Variants in CNTNAP5 observed in about 807,000 individuals in gnomAD.
CNTNAP5 encodes the protein contactin associated protein family member 5.
CNTNAP5 carries 72 observed loss-of-function variants against 150.2 expected under a neutral mutation model. That is an observed-to-expected ratio of 0.48 (90% CI 0.40 to 0.58). The LOEUF (loss-of-function observed/expected upper bound fraction) is 0.58, where lower values mean the gene tolerates loss of function less well. Among genes scored for constraint, CNTNAP5 ranks in the 20% least tolerant of loss-of-function variants. The pLI is 0.00. For synonymous variants in CNTNAP5, 672 were observed against 619.8 expected, an observed-to-expected ratio of 1.08 and a Z score of -1.25; for missense variants, 1,636 against 1,626.2, an observed-to-expected ratio of 1.01 and a Z score of -0.10.
chr2:124,773,752 T>TTATAATCC (rs1681256322), intron 17 of CNTNAP5, among the ~76,000 whole-genome samples: 1 of 152,044 alleles, frequency 6.6e-6, no homozygotes, highest in Admixed American at 6.6e-5. Flanking sequence ...TTCAAGGAGT[T>TTATAATCC]TATAATCCTC....
intron 1 of CNTNAP5, among the ~76,000 whole-genome samples, chr2:124,069,033 ATCTTGGGGTACCCAAG>A (rs1359402422): frequency 6.6e-6 from 1 of 152,110 alleles, no homozygotes; most frequent in Non-Finnish European, 1.5e-5. Context: ...ACCAAGTGGG[ATCTTGGGGTACCCAAG>A]TCCAGGCCTA....
Position 124,640,768 on chromosome 2 carries a change from C to T in CNTNAP5, c.1877-6990C>T, listed in dbSNP as rs566055889. On this transcript the variant is annotated intron_variant, in intron 12 of 23. Transcript: ENST00000682447. ...ATCTCTTCACATCCTCCCGGCTTCG[C>T]TTCAACAGAACGGTTCATAGCAGAT... Among the ~76,000 whole-genome samples, 10 of 152,218 alleles carry T rather than the reference C, an allele frequency of 6.6e-5. No homozygotes were observed. The East Asian group carries it at 1.2e-3, about 18-fold the overall frequency.
intron 13 of CNTNAP5, among the ~76,000 whole-genome samples, chr2:124,728,866 C>G (rs1475067174): frequency 6.6e-6 from 1 of 151,980 alleles, no homozygotes; most frequent in Non-Finnish European, 1.5e-5. Flanking sequence ...AAACTCAATT[C>G]TAATTTATAA....
intron 4 of CNTNAP5, among the ~76,000 whole-genome samples, chr2:124,424,410 A>G (rs923481634): frequency 6.6e-6 from 1 of 152,188 alleles, no homozygotes; most frequent in Non-Finnish European, 1.5e-5. Context: ...TGGCAGTCCA[A>G]TGTGAACTTT....
At chr2:124,410,828 G>A (rs1398385372) in intron 3 of CNTNAP5, among the ~76,000 whole-genome samples, 2 of 149,690 alleles carry the variant, frequency 1.3e-5, no homozygotes, top group East Asian at 3.9e-4. Context: ...AACTAGAAAA[G>A]CAAGAGCAAA....
chr2:124,820,474 A>T (rs1368048749), intron 19 of CNTNAP5, among the ~76,000 whole-genome samples: 2 of 152,050 alleles, frequency 1.3e-5, no homozygotes, highest in Non-Finnish European at 2.9e-5. Context: ...GAAGGGGAAA[A>T]AAAAAACAAT....
chr2:124,698,826 A>G (rs1359352908), intron 13 of CNTNAP5, among the ~76,000 whole-genome samples: 2 of 152,124 alleles, frequency 1.3e-5, no homozygotes, highest in Admixed American at 1.3e-4. Context: ...CCCCTAGGCC[A>G]TTAGAAAACC....
intron 21 of CNTNAP5, among the ~76,000 whole-genome samples, chr2:124,874,167 C>T (rs1226126683): frequency 1.1e-4 from 16 of 152,008 alleles, no homozygotes; most frequent in Admixed American, 7.2e-4. Flanking sequence ...CATCAAGTTA[C>T]GGGATATTGC....
chr2:124,676,879 G>T (rs1289866655), intron 13 of CNTNAP5, among the ~76,000 whole-genome samples: 4 of 152,188 alleles, frequency 2.6e-5, no homozygotes, highest in African/African-American at 7.2e-5. Flanking sequence ...TGACAATTTT[G>T]AATAGTGCTC....
At chr2:124,465,729 T>C (rs536244299) in intron 6 of CNTNAP5, among the ~76,000 whole-genome samples, 1 of 152,288 alleles carries the variant, frequency 6.6e-6, no homozygotes, top group East Asian at 1.9e-4. Flanking sequence ...AGGTGAAATA[T>C]CTCAATGCAA....
At chr2:124,702,175 A>C (rs528847391) in intron 13 of CNTNAP5, among the ~76,000 whole-genome samples, 3 of 151,936 alleles carry the variant, frequency 2.0e-5, no homozygotes, top group Admixed American at 2.0e-4. Context: ...CGGAAAAAGA[A>C]TAACACAACA....
At chr2:124,383,276 C>T (rs946792562) in intron 3 of CNTNAP5, among the ~76,000 whole-genome samples, 15 of 152,164 alleles carry the variant, frequency 9.9e-5, no homozygotes, top group Admixed American at 6.5e-4. Flanking sequence ...CTCCCATCAC[C>T]GTCTTGGAGC....
intron 19 of CNTNAP5, among the ~76,000 whole-genome samples, chr2:124,839,056 C>A (rs559026106): frequency 6.6e-6 from 1 of 152,088 alleles, no homozygotes; most frequent in South Asian, 2.1e-4. Context: ...ACTACGGAAG[C>A]TCATATCAAA....
intron 19 of CNTNAP5, among the ~76,000 whole-genome samples, chr2:124,839,696 C>G (rs531225792): frequency 6.6e-6 from 1 of 152,176 alleles, no homozygotes; most frequent in Admixed American, 6.6e-5. Context: ...GCCTTATAAA[C>G]CAAAACACAG....
chr2:124,107,275 C>T (rs1334332174), intron 1 of CNTNAP5, among the ~76,000 whole-genome samples: 2 of 152,192 alleles, frequency 1.3e-5, no homozygotes, highest in African/African-American at 4.8e-5. Context: ...ACCACTGCGT[C>T]TATCTTTGTC....
At chr2:124,143,820 G>A (rs1172982498) in intron 1 of CNTNAP5, among the ~76,000 whole-genome samples, 2 of 94,742 alleles carry the variant, frequency 2.1e-5, no homozygotes, top group African/African-American at 8.2e-5. Context: ...GGAAATAAAG[G>A]GTATTCAATT....
intron 21 of CNTNAP5, among the ~76,000 whole-genome samples, chr2:124,874,737 A>C (rs1472314052): frequency 1.3e-5 from 2 of 152,060 alleles, no homozygotes; most frequent in Non-Finnish European, 2.9e-5. Flanking sequence ...TAGGTGGAAA[A>C]GAATTATAGT....
At chr2:124,381,570 C>T (rs531839076) in intron 3 of CNTNAP5, among the ~76,000 whole-genome samples, 2 of 152,002 alleles carry the variant, frequency 1.3e-5, no homozygotes, top group Non-Finnish European at 2.9e-5. Flanking sequence ...GGAAGATCCT[C>T]GTAGAGAGGT....
intron 1 of CNTNAP5, among the ~76,000 whole-genome samples, chr2:124,040,337 A>C (rs1681333769): frequency 6.6e-6 from 1 of 152,104 alleles, no homozygotes; most frequent in Non-Finnish European, 1.5e-5. Context: ...TGGATTAGTG[A>C]GCACCTTGGC....
Sources: gnomAD v4.1 joint callset for allele counts (sites outside exome capture counted in the v4.1 genomes callset) on GRCh38, gnomAD v4.1.1 for gene constraint, MANE v1.5 for transcripts, NCBI Gene and HGNC (gene_info 2026-07-23, HGNC 2026-07-21) for gene names.